The following WSCD2 variants were observed in gnomAD, a reference collection of about 807,000 sequenced individuals.
WSCD2 encodes the protein WSC domain sialate O sulfotransferase 2, also known as sialate:O-sulfotransferase 2.
Under a neutral mutation model 55.7 loss-of-function variants are expected in WSCD2, and 28 were observed. The observed-to-expected ratio is 0.50, with a 90% CI of 0.37 to 0.69. The LOEUF (loss-of-function observed/expected upper bound fraction) is 0.69, where lower values mean the gene tolerates loss of function less well. Among genes scored for constraint, WSCD2 ranks in the 30% least tolerant of loss-of-function variants. The probability of loss-of-function intolerance (pLI) is 0.00; values close to 1 mark genes in which losing one functional copy is unlikely to be tolerated. For synonymous variants in WSCD2, 301 were observed against 301.9 expected (o/e 1.00, Z 0.03); for missense variants, 616 against 762.1 (o/e 0.81, Z 2.26).
intron 6 of WSCD2, among the ~76,000 whole-genome samples, chr12:108,229,461 C>T (rs1008740009): frequency 6.6e-5 from 10 of 152,316 alleles, no homozygotes; most frequent in African/African-American, 2.4e-4. Context: ...GGTCCCAAGA[C>T]TGCACTGTCA....
At chr12:108,241,699 T>C (rs61934525) in intron 8 of WSCD2, among the ~76,000 whole-genome samples, 15,849 of 152,262 alleles carry the variant, frequency 0.1, 983 homozygotes, top group South Asian at 0.2. Context: ...ATAGATCTCA[T>C]GTTAAGTGTT....
chr12:108,146,060 T>A (rs1365906861), intron 1 of WSCD2, among the ~76,000 whole-genome samples: 1 of 152,216 alleles, frequency 6.6e-6, no homozygotes, highest in African/African-American at 2.4e-5. Context: ...GGTCTCAAGG[T>A]GCTGGCAGTG....
At chr12:108,193,771 T>C (rs944113458) in intron 1 of WSCD2, among the ~76,000 whole-genome samples, 4 of 152,158 alleles carry the variant, frequency 2.6e-5, no homozygotes, top group African/African-American at 9.7e-5. Flanking sequence ...GACAGACGGA[T>C]GGATAGATGG....
At chr12:108,239,840 A>G (rs1229432899) in intron 7 of WSCD2, among the ~76,000 whole-genome samples, 1 of 152,064 alleles carries the variant, frequency 6.6e-6, no homozygotes, top group Non-Finnish European at 1.5e-5. Context: ...CAGCCCCCCA[A>G]GTGGCTGGGA....
chr12:108,218,327 G>A (rs550989739), intron 4 of WSCD2, among the ~76,000 whole-genome samples: 10 of 152,326 alleles, frequency 6.6e-5, no homozygotes, highest in Non-Finnish European at 1.2e-4. Flanking sequence ...ATTAGAGCTC[G>A]TGTTTCCTAG....
intron 8 of WSCD2, among the ~76,000 whole-genome samples, chr12:108,243,763 G>A (rs1397303973): frequency 1.3e-5 from 2 of 152,146 alleles, no homozygotes; most frequent in Admixed American, 1.3e-4. Flanking sequence ...TTTAAGGTTT[G>A]AGAAGTGCTG....
chr12:108,146,878 C>T (rs1565916297), intron 1 of WSCD2, among the ~76,000 whole-genome samples: 1 of 152,188 alleles, frequency 6.6e-6, no homozygotes, highest in Non-Finnish European at 1.5e-5. Flanking sequence ...CCAGAGGTTC[C>T]CAAAAGTCCG....
chr12:108,165,790 C>T (rs1879543651), intron 1 of WSCD2, among the ~76,000 whole-genome samples: 1 of 152,132 alleles, frequency 6.6e-6, no homozygotes. Flanking sequence ...AACTTACCTG[C>T]AAATATGAAA....
intron 1 of WSCD2, among the ~76,000 whole-genome samples, chr12:108,137,437 G>C (rs1876339689): frequency 6.6e-6 from 1 of 152,144 alleles, no homozygotes; most frequent in Non-Finnish European, 1.5e-5. Context: ...GATTTCCCAG[G>C]CCCTATAGCA....
chr12:108,136,012 G>A (rs182430014), intron 1 of WSCD2, among the ~76,000 whole-genome samples: 6 of 152,318 alleles, frequency 3.9e-5, no homozygotes, highest in African/African-American at 1.4e-4. Flanking sequence ...CTCAGCCAGG[G>A]TCCTGAGCTT....
chr12:108,194,058 T>C (rs964758336), intron 1 of WSCD2, among the ~76,000 whole-genome samples: 2 of 152,184 alleles, frequency 1.3e-5, no homozygotes, highest in East Asian at 1.9e-4. Context: ...TGAAAAAGCA[T>C]TGGCTAAATG....
At chr12:108,177,806 AG>A (rs1422791354) in intron 1 of WSCD2, among the ~76,000 whole-genome samples, 1 of 152,158 alleles carries the variant, frequency 6.6e-6, no homozygotes, top group African/African-American at 2.4e-5. Context: ...CTATGGTGAT[AG>A]AAGTTAGAAA....
At chr12:108,130,011 AGATC>A (rs2136839133) in intron 1 of WSCD2, 85 bp downstream of exon 1, 1 of 152,392 alleles carries the variant, frequency 6.6e-6, no homozygotes, top group African/African-American at 2.4e-5. Flanking sequence ...TTCTGCCCCT[AGATC>A]TGGGCTTCGC....
chr12:108,181,500 G>A (rs1881754571), intron 1 of WSCD2, among the ~76,000 whole-genome samples: 4 of 152,196 alleles, frequency 2.6e-5, no homozygotes, highest in Admixed American at 2.6e-4. Context: ...AAAGGATATT[G>A]ACGGGGACTA....
intron 1 of WSCD2, among the ~76,000 whole-genome samples, chr12:108,136,509 C>CG (rs1876234878): frequency 6.6e-6 from 1 of 152,252 alleles, no homozygotes; most frequent in Non-Finnish European, 1.5e-5. Context: ...TCCTGATCAC[C>CG]GTAGCTTGTG....
intron 4 of WSCD2, among the ~76,000 whole-genome samples, chr12:108,218,314 G>A (rs998280696): frequency 3.9e-5 from 6 of 152,192 alleles, no homozygotes; most frequent in East Asian, 1.9e-4. Context: ...AAACAGAGTC[G>A]GGATTAGAGC....
At chr12:108,208,459 A>G (rs1489071231) in intron 3 of WSCD2, among the ~76,000 whole-genome samples, 1 of 152,134 alleles carries the variant, frequency 6.6e-6, no homozygotes. Context: ...GATGGAAGGG[A>G]TGGAGGGCTC....
Position 108,196,043 on chromosome 12 carries a change from C to A in WSCD2, c.211C>A (p.His71Asn), listed in dbSNP as rs1883874096. 1 of 1,614,066 alleles carries A rather than the reference C, an allele frequency of 6.2e-7. No homozygotes were observed. Among genetic ancestry groups the A allele is most frequent in the African/African-American group, 1.3e-5 (1 of 74,908 alleles). Residue 71 changes from histidine to asparagine, a missense_variant, in exon 2 of 9, where the codon CAT becomes AAT. Around this residue, in one of 3 missense-constraint regions of WSCD2, gnomAD observed 374 missense variants for 467.4 expected, o/e 0.80. Transcript: ENST00000547525. ...TGAGCTGTCCTTCTTGGGTGACATG[C>A]ATCTGGGCAGAGGTTTCCGGGACAC... ...GAELSFLGDM[H>N]LGRGFRDTGE...
At chr12:108,154,094 GGCC>G (rs990472781) in intron 1 of WSCD2, among the ~76,000 whole-genome samples, 59 of 152,322 alleles carry the variant, frequency 3.9e-4, no homozygotes, top group Middle Eastern at 3.4e-3. Flanking sequence ...GGAAGGTCAG[GGCC>G]CCCTGAGTGT....
Sources: gnomAD v4.1 joint callset for allele counts (sites outside exome capture counted in the v4.1 genomes callset) on GRCh38, gnomAD v4.1.1 for gene constraint, gnomAD v4.1.1 regional missense constraint, MANE v1.5 for transcripts, NCBI Gene and HGNC (gene_info 2026-07-23, HGNC 2026-07-21) for gene names.